Variants in NCAM2 observed in about 807,000 individuals in gnomAD.
NCAM2 encodes the protein neural cell adhesion molecule 2.
Under a neutral mutation model 98.1 loss-of-function variants are expected in NCAM2, and 30 were observed. The observed-to-expected ratio is 0.31, with a 90% CI of 0.23 to 0.41. The LOEUF is 0.41. Ranked by LOEUF, NCAM2 falls within the 10% of genes least tolerant of loss-of-function variation. The pLI is 1.00. For missense variants in NCAM2, 867 were observed against 1,005.8 expected, an observed-to-expected ratio of 0.86 and a Z score of 1.87; for synonymous variants, 368 against 342.4, an observed-to-expected ratio of 1.07 and a Z score of -0.83.
chr21:21,403,542 A>T (rs879679716), intron 9 of NCAM2, among the ~76,000 whole-genome samples: 12 of 152,114 alleles, frequency 7.9e-5, no homozygotes, highest in Admixed American at 7.9e-4. Context: ...AAACTTTTAT[A>T]CCCAAACAGT....
chr21:21,061,669 T>C (rs1277877157), intron 1 of NCAM2, among the ~76,000 whole-genome samples: 10 of 152,152 alleles, frequency 6.6e-5, no homozygotes, highest in Non-Finnish European at 1.0e-4. Flanking sequence ...AGAAATCAAG[T>C]CGTTTGAATG....
intron 1 of NCAM2, among the ~76,000 whole-genome samples, chr21:21,249,752 AT>A (rs1482997447): frequency 6.6e-6 from 1 of 152,102 alleles, no homozygotes; most frequent in Non-Finnish European, 1.5e-5. Flanking sequence ...GGAACAAGAG[AT>A]TTTCCACAGA....
chr21:21,054,472 C>T (rs761315962), intron 1 of NCAM2, among the ~76,000 whole-genome samples: 7 of 151,898 alleles, frequency 4.6e-5, no homozygotes, highest in Admixed American at 6.6e-5. Context: ...CAAATACTAG[C>T]TCATGATAAT....
At chr21:21,040,676 C>G (rs1032724276) in intron 1 of NCAM2, among the ~76,000 whole-genome samples, 3 of 151,838 alleles carry the variant, frequency 2.0e-5, no homozygotes, top group Non-Finnish European at 4.4e-5. Context: ...TAAAATAAGT[C>G]AGGCACAGAA....
chr21:21,364,341 T>C (rs999045406), intron 8 of NCAM2, among the ~76,000 whole-genome samples: 5 of 151,972 alleles, frequency 3.3e-5, no homozygotes, highest in African/African-American at 4.8e-5. Context: ...ACAATATAGA[T>C]ATATTTTACC....
chr21:21,024,549 G>A (rs111550802), intron 1 of NCAM2, among the ~76,000 whole-genome samples: 1,857 of 152,242 alleles, frequency 0.012, 33 homozygotes, highest in African/African-American at 0.042. Flanking sequence ...TCCTCAATCA[G>A]TTGTCCAACT....
intron 12 of NCAM2, among the ~76,000 whole-genome samples, chr21:21,437,866 A>G (rs1041677498): frequency 1.3e-5 from 2 of 151,970 alleles, no homozygotes; most frequent in Non-Finnish European, 2.9e-5. Flanking sequence ...CTGGCTATCT[A>G]GGAGAAGATA....
intron 1 of NCAM2, among the ~76,000 whole-genome samples, chr21:21,058,557 A>G (rs1021223921): frequency 1.3e-5 from 2 of 152,134 alleles, no homozygotes; most frequent in Admixed American, 6.6e-5. Flanking sequence ...ATGTTGCCTC[A>G]AGTATTTTAT....
At chr21:21,183,375 T>C (rs560444961) in intron 1 of NCAM2, among the ~76,000 whole-genome samples, 29 of 152,224 alleles carry the variant, frequency 1.9e-4, no homozygotes, top group African/African-American at 6.7e-4. Context: ...AGAGCCACCG[T>C]GGATAGTGTC....
intron 1 of NCAM2, among the ~76,000 whole-genome samples, chr21:21,117,185 A>C (rs1173655011): frequency 6.6e-6 from 1 of 152,182 alleles, no homozygotes. Context: ...TATATCTGAA[A>C]GTTTATACCT....
At chr21:21,244,392 A>G (rs1018993384) in intron 1 of NCAM2, among the ~76,000 whole-genome samples, 2 of 152,206 alleles carry the variant, frequency 1.3e-5, no homozygotes, top group Non-Finnish European at 2.9e-5. Flanking sequence ...TAAACCCATC[A>G]TAAACTCTCA....
chr21:21,212,030 A>G lies in NCAM2; in HGVS notation c.56-68548A>G, dbSNP rs559601381. On this transcript the variant is annotated intron_variant, in intron 1 of 17. Transcript: ENST00000400546. ...TGTAAAACTAAATGTACAAATACCC[A>G]TATAACCCAACGATTTCGTGCTTGG... is the stretch of plus-strand genomic sequence containing the variant. Among the ~76,000 whole-genome samples the G allele has an allele frequency of 4.8e-4, 73 of 152,320 alleles. 1 individual carries two copies. Among genetic ancestry groups the G allele is most frequent in the African/African-American group, 1.7e-3 (72 of 41,574 alleles).
intron 16 of NCAM2, among the ~76,000 whole-genome samples, chr21:21,532,448 G>A (rs1057026786): frequency 1.3e-5 from 2 of 151,962 alleles, no homozygotes; most frequent in East Asian, 1.9e-4. Flanking sequence ...AATTGTAAAG[G>A]CTACTAACTA....
intron 1 of NCAM2, among the ~76,000 whole-genome samples, chr21:21,161,289 T>C (rs749016806): frequency 1.3e-5 from 2 of 152,008 alleles, no homozygotes; most frequent in Non-Finnish European, 2.9e-5. Context: ...AGGACTAAGT[T>C]AGAAATACAA....
At chr21:21,348,806 A>C (rs1316955902) in intron 8 of NCAM2, among the ~76,000 whole-genome samples, 2 of 152,106 alleles carry the variant, frequency 1.3e-5, no homozygotes, top group African/African-American at 2.4e-5. Flanking sequence ...ACCCATTTTC[A>C]ACAAAAGTGC....
chr21:21,243,978 T>A (rs2071168487), intron 1 of NCAM2, among the ~76,000 whole-genome samples: 1 of 152,172 alleles, frequency 6.6e-6, no homozygotes, highest in Admixed American at 6.5e-5. Context: ...TCCCTTTAAT[T>A]ATGAGTCAGT....
At chr21:21,426,988 C>G (rs1048031410) in intron 11 of NCAM2, among the ~76,000 whole-genome samples, 2 of 152,076 alleles carry the variant, frequency 1.3e-5, no homozygotes, top group Admixed American at 1.3e-4. Context: ...CTAGCACTTC[C>G]TTTTAAAAGA....
At chr21:21,068,458 AT>A (rs566218063) in intron 1 of NCAM2, among the ~76,000 whole-genome samples, 1,839 of 112,460 alleles carry the variant, frequency 0.016, 18 homozygotes, top group African/African-American at 0.044. Context: ...ATGGTATTGC[AT>A]TTTTTTTTTT....
At chr21:21,400,309 T>C (rs759668859) in intron 9 of NCAM2, among the ~76,000 whole-genome samples, 29 of 152,226 alleles carry the variant, frequency 1.9e-4, no homozygotes, top group Non-Finnish European at 3.8e-4. Context: ...TGCCATTTAA[T>C]TAAATCTAAA....
Sources: gnomAD v4.1 joint callset for allele counts (sites outside exome capture counted in the v4.1 genomes callset) on GRCh38, gnomAD v4.1.1 for gene constraint, MANE v1.5 for transcripts, NCBI Gene and HGNC (gene_info 2026-07-23, HGNC 2026-07-21) for gene names.